Variants in ITFG1 observed in about 807,000 individuals in gnomAD.
The protein encoded by ITFG1 is T-cell immunomodulatory protein.
In ITFG1, 34 loss-of-function variants were observed where a neutral mutation model predicts 81.8. The ratio of observed to expected loss-of-function variants is 0.42; its 90% CI spans 0.32 to 0.55. The LOEUF is 0.55. ITFG1 is among the 20% of genes least tolerant of loss of function. The pLI is 0.17. For missense variants in ITFG1, 672 were observed against 755.4 expected (o/e 0.89, Z 1.29); for synonymous variants, 285 against 270.6 (o/e 1.05, Z -0.52).
intron 8 of ITFG1, among the ~76,000 whole-genome samples, chr16:47,356,053 T>C (rs1220440871): frequency 2.0e-5 from 3 of 152,150 alleles, no homozygotes; most frequent in Non-Finnish European, 4.4e-5. Flanking sequence ...GAGTGTATAG[T>C]GTTTAAGGTA....
chr16:47,268,748 G>A (rs1679041661), intron 10 of ITFG1, among the ~76,000 whole-genome samples: 1 of 152,156 alleles, frequency 6.6e-6, no homozygotes, highest in African/African-American at 2.4e-5. Context: ...ATAAGAGCAT[G>A]TTTCAGTGAA....
At chr16:47,233,130 GT>G (rs1965835067) in intron 13 of ITFG1, among the ~76,000 whole-genome samples, 4 of 152,134 alleles carry the variant, frequency 2.6e-5, no homozygotes, top group African/African-American at 7.2e-5. Flanking sequence ...CCAGTTTCTG[GT>G]CTGAATGTAA....
chr16:47,402,219 A>T (rs193174678), intron 6 of ITFG1, among the ~76,000 whole-genome samples: 1 of 152,310 alleles, frequency 6.6e-6, no homozygotes, highest in African/African-American at 2.4e-5. Context: ...AAGGTCATGA[A>T]ATAAATCTTA....
At chr16:47,410,268 C>A (rs1968793435) in intron 6 of ITFG1, among the ~76,000 whole-genome samples, 1 of 151,896 alleles carries the variant, frequency 6.6e-6, no homozygotes, top group Non-Finnish European at 1.5e-5. Flanking sequence ...GACAGAGACC[C>A]TGTCTCTAAA....
chr16:47,461,176 C>T (rs1277732865), upstream of ITFG1: 12 of 1,022,854 alleles, frequency 1.2e-5, no homozygotes, highest in South Asian at 1.2e-4. Context: ...TCCTTTTTCT[C>T]TCTCCCACTA....
At chr16:47,450,884 T>C (rs1162815428) in intron 5 of ITFG1, among the ~76,000 whole-genome samples, 2 of 152,326 alleles carry the variant, frequency 1.3e-5, no homozygotes, top group East Asian at 1.9e-4. Context: ...AAGAATTGCA[T>C]ACTTAGATAG....
At chr16:47,281,670 T>C (rs1487325813) in intron 10 of ITFG1, among the ~76,000 whole-genome samples, 3 of 152,306 alleles carry the variant, frequency 2.0e-5, no homozygotes, top group South Asian at 4.1e-4. Context: ...TGGAGGGTTG[T>C]TCATTGCAAC....
intron 16 of ITFG1, among the ~76,000 whole-genome samples, chr16:47,160,131 TG>T (rs1440168250): frequency 2.0e-5 from 3 of 151,796 alleles, no homozygotes; most frequent in Non-Finnish European, 4.4e-5. Context: ...GAGATGTTTT[TG>T]GTAGTTCTAC....
chr16:47,311,179 T>C, intron 10 of ITFG1, 61 bp downstream of exon 10: 1 of 1,256,810 alleles, frequency 8.0e-7, no homozygotes, highest in Non-Finnish European at 1.1e-6. Flanking sequence ...CAAAGTACCA[T>C]GGTTTGCAAA....
intron 5 of ITFG1, among the ~76,000 whole-genome samples, chr16:47,429,733 T>C (rs1969069184): frequency 6.6e-6 from 1 of 152,216 alleles, no homozygotes; most frequent in African/African-American, 2.4e-5. Context: ...TCTGGAGAAA[T>C]GTCTACTCAA....
chr16:47,374,865 T>C lies in ITFG1; in HGVS notation c.720+1011A>G, dbSNP rs186301061. ...AACCCCCCATCGTAGTTTCCTTCCA[T>C]GAAGAGATCTGAGTCATGACCAGCA... On this transcript the variant is annotated intron_variant, in intron 7 of 17. Transcript: ENST00000320640. 7.9e-4 allele frequency among the ~76,000 whole-genome samples: 120 copies of C among 152,284 alleles called. 3 individuals are homozygous for C. Among genetic ancestry groups the C allele is most frequent in the African/African-American group, 2.6e-3 (109 of 41,570 alleles).
intron 6 of ITFG1, among the ~76,000 whole-genome samples, chr16:47,378,456 A>G (rs919846986): frequency 6.6e-6 from 1 of 152,116 alleles, no homozygotes; most frequent in Non-Finnish European, 1.5e-5. Context: ...CTCCTTGAAA[A>G]CCAATTCAAA....
intron 14 of ITFG1, among the ~76,000 whole-genome samples, chr16:47,203,413 T>C (rs1965452255): frequency 6.6e-6 from 1 of 152,226 alleles, no homozygotes; most frequent in Admixed American, 6.5e-5. Context: ...ATGCACTTTA[T>C]TTCTATTATT....
At chr16:47,460,647 C>G (rs909224838) in intron 1 of ITFG1, among the ~76,000 whole-genome samples, 191 bp downstream of exon 1, 1 of 152,018 alleles carries the variant, frequency 6.6e-6, no homozygotes, top group Non-Finnish European at 1.5e-5. Flanking sequence ...TGTAGGGTAG[C>G]TGGGTCAGAA....
At chr16:47,442,694 C>A (rs141244932) in intron 5 of ITFG1, among the ~76,000 whole-genome samples, 3 of 152,048 alleles carry the variant, frequency 2.0e-5, no homozygotes, top group South Asian at 2.1e-4. Flanking sequence ...AACTGGCTAG[C>A]CATATGGAGA....
intron 14 of ITFG1, among the ~76,000 whole-genome samples, chr16:47,173,212 T>C (rs1317536137): frequency 6.6e-6 from 1 of 152,184 alleles, no homozygotes; most frequent in Non-Finnish European, 1.5e-5. Context: ...CCTTTTACTC[T>C]GCTTTATTCC....
At chr16:47,390,767 C>T (rs1968520528) in intron 6 of ITFG1, among the ~76,000 whole-genome samples, 1 of 152,036 alleles carries the variant, frequency 6.6e-6, no homozygotes, top group African/African-American at 2.4e-5. Context: ...GCCAATAATG[C>T]TTATTAACAG....
At chr16:47,396,247 T>C in intron 6 of ITFG1, 5 of 774,320 alleles carry the variant, frequency 6.5e-6, no homozygotes, top group Non-Finnish European at 7.8e-6. Flanking sequence ...TAGGTACAGC[T>C]GTTAGCTGTT....
chr16:47,383,913 A>T (rs1337963765), intron 6 of ITFG1, among the ~76,000 whole-genome samples: 1 of 152,262 alleles, frequency 6.6e-6, no homozygotes, highest in African/African-American at 2.4e-5. Context: ...TCAAAAGAAA[A>T]GAAAAGACTG....
Sources: allele counts gnomAD v4.1 joint callset (sites outside exome capture counted in the v4.1 genomes callset), GRCh38; gene constraint gnomAD v4.1.1; transcripts MANE v1.5; gene names NCBI Gene and HGNC (gene_info 2026-07-23, HGNC 2026-07-21).